The following USP17L1 variants were observed in gnomAD, a reference collection of about 807,000 sequenced individuals.
USP17L1 encodes ubiquitin carboxyl-terminal hydrolase 17-like protein 1.
Under a neutral mutation model 31.4 loss-of-function variants are expected in USP17L1, and 42 were observed. The ratio of observed to expected loss-of-function variants is 1.34; its 90% confidence interval spans 1.05 to 1.73. The LOEUF is 1.73. USP17L1 is among the 40% of genes most tolerant of loss of function. USP17L1 has a pLI of 0.00. For synonymous variants in USP17L1, 230 were observed against 194.4 expected (o/e 1.18, Z -1.52); for missense variants, 576 against 495.8 (o/e 1.16, Z -1.54).
rs1252249435 is a variant in USP17L1 at position 7,333,416 on chromosome 8, G to T, written c.1030G>T (p.Val344Phe). The T allele has an allele frequency of 6.4e-7, 1 of 1,573,742 alleles. No homozygotes were observed. Among genetic ancestry groups the T allele is most frequent in the African/African-American group, 2.0e-5 (1 of 49,172 alleles). ...HYFSYVKAQE[V>F]QWYKMDDAEV... ...CTTCTCCTATGTCAAAGCTCAAGAA[G>T]TCCAGTGGTATAAAATGGATGATGC... Residue 344 changes from valine to phenylalanine, a missense_variant, in exon 1 of 1, where the codon GTC becomes TTC. Physicochemically the swap from Val to Phe is conservative, Grantham distance 50. Coordinates refer to ENST00000529559, the MANE Select transcript of USP17L1 (RefSeq NM_001256873.1).
chr8:7,333,586 C>T lies in USP17L1; in HGVS notation c.1200C>T (p.Asp400=). The change falls in exon 1 of 1, where the codon GAC becomes GAT. Residue 400 remains aspartate (D), a synonymous_variant. Coordinates refer to ENST00000529559, the MANE Select transcript of USP17L1 (RefSeq NM_001256873.1). ...EPRALGAEDT[D]RRAKQGELKR... ...GAGCCCTCGGCGCTGAAGACACAGA[C>T]AGGCGAGCAAAGCAAGGAGAGCTCA... The T allele has an allele frequency of 1.4e-6, 2 of 1,474,374 alleles. No individual in the cohort carries two copies. The highest frequency in any genetic ancestry group is 2.3e-5 in the East Asian group (1 of 43,548). 91.3% of individuals were successfully genotyped at this position (1,474,374 alleles called of 1,614,324 possible).
rs751871903 is a variant in USP17L1, at chr8:7,333,764, C to T, written c.1378C>T (p.Pro460Ser). 9.1e-6 allele frequency: 14 copies of T among 1,537,054 alleles called. No homozygotes were observed. Among genetic ancestry groups the T allele is most frequent in the African/African-American group, 1.9e-5 (1 of 53,332 alleles). The change falls in exon 1 of 1, where the codon CCT (proline) becomes TCT (serine). Residue 460 changes from proline to serine, a missense_variant. Physicochemically the swap from Pro to Ser is moderately conservative, Grantham distance 74 (BLOSUM62 -1). Coordinates refer to ENST00000529559, the MANE Select transcript of USP17L1 (RefSeq NM_001256873.1). ...FNVGKVEGTL[P>S]PNALVIHQSK... ...CGTCGGAAAAGTCGAAGGTACCCTG[C>T]CTCCCAACGCACTTGTGATTCATCA...
At position 7,333,441 on chromosome 8, in the gene USP17L1, C is replaced by T. The variant is rs1804179520; in HGVS notation, c.1055C>T (p.Ala352Val). Residue 352 changes from alanine to valine, a missense_variant, in exon 1 of 1, where the codon GCC (alanine) becomes GTC (valine). Ala to Val is a moderately conservative substitution (Grantham distance 64). Transcript: ENST00000529559. The stretch of plus-strand genomic sequence containing the variant: ...GTCCAGTGGTATAAAATGGATGATG[C>T]CGAGGTCACTGTCTGTAGCATCATT... Reference protein sequence around the residue: ...QEVQWYKMDDAEVTVCSIISV... With the variant: ...QEVQWYKMDDVEVTVCSIISV... The T allele has an allele frequency of 6.4e-7, 1 of 1,569,786 alleles. No homozygotes were observed. Among genetic ancestry groups the T allele is most frequent in the Non-Finnish European group, 8.6e-7 (1 of 1,166,756 alleles).
At position 7,333,548 on chromosome 8, in the gene USP17L1, G is replaced by A. The variant is rs544963184; in HGVS notation, c.1162G>A (p.Gly388Ser). 1.4e-6 allele frequency: 2 copies of A among 1,477,644 alleles called. No homozygotes were observed. The highest frequency in any genetic ancestry group is 2.3e-5 in the South Asian group (2 of 87,526). The allele number at this position is 1,477,644 out of a possible 1,614,324, so 91.5% of individuals were successfully genotyped here. Reference sequence around the variant, plus strand: ...AAGACACAGTGAGAGTGTGTCAAGAGGCAGGGAACCAAGAGCCCTCGGCGC... The same window carrying A: ...AAGACACAGTGAGAGTGTGTCAAGAAGCAGGGAACCAAGAGCCCTCGGCGC... ...WERHSESVSRGREPRALGAED... is the reference protein window; with the variant it reads ...WERHSESVSRSREPRALGAED... The change falls in exon 1 of 1, where the codon GGC becomes AGC. Residue 388 changes from glycine to serine, a missense_variant. Coordinates refer to ENST00000529559, the MANE Select transcript of USP17L1 (RefSeq NM_001256873.1).
At position 7,332,909 on chromosome 8, in the gene USP17L1, G is replaced by A. The variant is rs746427642; in HGVS notation, c.523G>A (p.Ala175Thr). 19 of 1,519,980 alleles carry A rather than the reference G, an allele frequency of 1.3e-5. No individual in the cohort carries two copies. Among genetic ancestry groups the A allele is most frequent in the Non-Finnish European group, 1.4e-5 (16 of 1,137,072 alleles). The allele number at this position is 1,519,980 out of a possible 1,614,324, so 94.2% of individuals were successfully genotyped here. ...LMFTVDAMKK[A>T]CLPGHKQVDH... ...GTTCACTGTGGATGCCATGAAAAAGGCATGCCTTCCCGGCCACAAGCAGGT... is the reference window on the plus strand; with the variant it reads ...GTTCACTGTGGATGCCATGAAAAAGACATGCCTTCCCGGCCACAAGCAGGT... The change falls in exon 1 of 1, where the codon GCA becomes ACA. Residue 175 changes from alanine to threonine, a missense_variant. Coordinates refer to ENST00000529559, the MANE Select transcript of USP17L1 (RefSeq NM_001256873.1).
rs1804181486 is a variant in USP17L1, at chr8:7,333,454, C to T, written c.1068C>T (p.Val356=). 6.4e-7 allele frequency: 1 copy of T among 1,568,760 alleles called. No homozygotes were observed. Residue 356 remains valine, a synonymous_variant, in exon 1 of 1, where the codon GTC becomes GTT. Transcript: ENST00000529559. ...WYKMDDAEVT[V]CSIISVLSQQ... ...AAATGGATGATGCCGAGGTCACTGT[C>T]TGTAGCATCATTTCTGTCCTGAGTC...
Position 7,333,916 on chromosome 8 carries a change from G to A in USP17L1, c.1530G>A (p.Gly510=). 1.9e-6 allele frequency: 3 copies of A among 1,539,778 alleles called. 1 individual carries two copies. Among genetic ancestry groups the A allele is most frequent in the East Asian group, 4.5e-5 (2 of 44,148 alleles). The change falls in exon 1 of 1, where the codon GGG becomes GGA. Residue 510 remains glycine (G), a synonymous_variant. Coordinates refer to ENST00000529559, the MANE Select transcript of USP17L1 (RefSeq NM_001256873.1). ...MNTGTLASLQ[G]RTRRAKGKNK... ...CTGGCACACTCGCTTCTCTGCAAGG[G>A]AGGACCAGGAGAGCCAAAGGGAAGA... is the stretch of plus-strand genomic sequence containing the variant.
In USP17L1 at chr8:7,333,623, C is replaced by T; in HGVS notation, c.1237C>T (p.Pro413Ser). 2.1e-6 allele frequency: 3 copies of T among 1,455,620 alleles called. No homozygotes were observed. Among genetic ancestry groups the T allele is most frequent in the Non-Finnish European group, 2.8e-6 (3 of 1,065,456 alleles). The allele number at this position is 1,455,620 out of a possible 1,614,324, so 90.2% of individuals were successfully genotyped here. ...AKQGELKRDH[P>S]CLQAPELDEH... The stretch of plus-strand genomic sequence containing the variant: ...GCAAGGAGAGCTCAAGAGAGACCAC[C>T]CCTGCCTCCAGGCACCCGAGTTGGA... The change falls in exon 1 of 1, where the codon CCC (proline) becomes TCC (serine). Residue 413 changes from proline to serine, a missense_variant. Physicochemically the swap from Pro to Ser is moderately conservative, Grantham distance 74 (BLOSUM62 -1). Coordinates refer to ENST00000529559, the MANE Select transcript of USP17L1 (RefSeq NM_001256873.1).
Position 7,333,340 on chromosome 8 carries a change from C to A in USP17L1, c.954C>A (p.Val318=). 1.3e-6 allele frequency: 2 copies of A among 1,540,180 alleles called. No homozygotes were observed. The highest frequency in any genetic ancestry group is 1.7e-6 in the Non-Finnish European group (2 of 1,145,520). The part of the protein sequence containing the change: ...SQQNTGPLVY[V]LYAVLVHAGW... ...AGAACACAGGACCTCTTGTCTATGT[C>A]CTCTATGCTGTGCTGGTCCACGCTG... is the stretch of plus-strand genomic sequence containing the variant. Residue 318 remains valine, a synonymous_variant, in exon 1 of 1, where the codon GTC becomes GTA. Coordinates refer to ENST00000529559, the MANE Select transcript of USP17L1 (RefSeq NM_001256873.1).
In USP17L1 at chr8:7,332,573, G is replaced by C. The variant is rs1208010935; in HGVS notation, c.187G>C (p.Ala63Pro). The change falls in exon 1 of 1, where the codon GCT becomes CCT. Residue 63 changes from alanine (A) to proline (P), a missense_variant. Physicochemically the swap from Ala to Pro is conservative, Grantham distance 27 (BLOSUM62 -1). Coordinates refer to ENST00000529559, the MANE Select transcript of USP17L1 (RefSeq NM_001256873.1). ...TTTGGCTCCTGTGGCAAGACAGCTC[G>C]CTCCCAGGGAGAAGCTTCCTCTGAG... ...DDLAPVARQL[A>P]PREKLPLSSR... The C allele has an allele frequency of 8.0e-6, 4 of 498,482 alleles. No individual in the cohort carries two copies. The highest frequency in any genetic ancestry group is 1.3e-5 in the Non-Finnish European group (4 of 299,350). 30.9% of individuals were successfully genotyped at this position (498,482 alleles called of 1,614,324 possible).
At chr8:7,333,520 G>A in the USP17L1 span, 9 of 1,528,440 alleles carry the variant, frequency 5.9e-6, no homozygotes, top group African/African-American at 2.1e-5. Flanking sequence ...AGAGTGAATG[G>A]GAAAGACACA....
rs760773731 is a variant in USP17L1, at chr8:7,333,901, C to T, written c.1515C>T (p.Leu505=). 80 of 1,517,988 alleles carry T rather than the reference C, an allele frequency of 5.3e-5. 8 individuals are homozygous for T. In the East Asian group the frequency reaches 1.4e-3, roughly 27 times the overall value. 94.0% of individuals were successfully genotyped at this position (1,517,988 alleles called of 1,614,324 possible). The change falls in exon 1 of 1, where the codon CTC becomes CTT. Residue 505 remains leucine (L), a synonymous_variant. Transcript: ENST00000529559. ...AGGAGTCCATGAACACTGGCACACTCGCTTCTCTGCAAGGGAGGACCAGGA... is the reference window on the plus strand; with the variant it reads ...AGGAGTCCATGAACACTGGCACACTTGCTTCTCTGCAAGGGAGGACCAGGA... ...TDQESMNTGT[L]ASLQGRTRRA...
chr8:7,333,786 A>C lies in USP17L1; in HGVS notation c.1400A>C (p.His467Pro), dbSNP rs1251240022. 6.1e-6 allele frequency: 9 copies of C among 1,468,030 alleles called. No homozygotes were observed. The highest frequency in any genetic ancestry group is 8.3e-6 in the Non-Finnish European group (9 of 1,078,252). The allele number at this position is 1,468,030 out of a possible 1,614,324, so 90.9% of individuals were successfully genotyped here. ...CTGCCTCCCAACGCACTTGTGATTCATCAATCAAAATACAAGTGTGGGATG... is the reference window on the plus strand; with the variant it reads ...CTGCCTCCCAACGCACTTGTGATTCCTCAATCAAAATACAAGTGTGGGATG... ...GTLPPNALVI[H>P]QSKYKCGMKN... The change falls in exon 1 of 1, where the codon CAT (histidine) becomes CCT (proline). Residue 467 changes from histidine (H) to proline (P), a missense_variant. His to Pro is a moderately conservative substitution (Grantham distance 77). Transcript: ENST00000529559.
At position 7,333,321 on chromosome 8, in the gene USP17L1, C is replaced by G. The variant is rs774861407; in HGVS notation, c.935C>G (p.Thr312Arg). The stretch of plus-strand genomic sequence containing the variant: ...CAGCCATACATGTCTCAGCAGAACA[C>G]AGGACCTCTTGTCTATGTCCTCTAT... Reference protein sequence around the residue: ...DMQPYMSQQNTGPLVYVLYAV... With the variant: ...DMQPYMSQQNRGPLVYVLYAV... Residue 312 changes from threonine (T) to arginine (R), a missense_variant, in exon 1 of 1, where the codon ACA becomes AGA. By Grantham distance (71) the Thr-to-Arg change is moderately conservative. Transcript: ENST00000529559. 7.0e-7 allele frequency: 1 copy of G among 1,423,526 alleles called. No homozygotes were observed. Among genetic ancestry groups the G allele is most frequent in the Admixed American group, 1.7e-5 (1 of 57,974 alleles). The allele number at this position is 1,423,526 out of a possible 1,614,324, so 88.2% of individuals were successfully genotyped here.
In USP17L1 at chr8:7,333,947, C is replaced by T; in HGVS notation, c.1561C>T (p.His521Tyr). The part of the protein sequence containing the change: ...RTRRAKGKNK[H>Y]SKRALLVCQ ...CAGGAGAGCCAAAGGGAAGAACAAA[C>T]ACAGCAAGAGGGCTCTGCTTGTGTG... The change falls in exon 1 of 1, where the codon CAC becomes TAC. Residue 521 changes from histidine (H) to tyrosine (Y), a missense_variant. His to Tyr is a moderately conservative substitution (Grantham distance 83). Transcript: ENST00000529559. 6.3e-7 allele frequency: 1 copy of T among 1,581,668 alleles called. No homozygotes were observed. Among genetic ancestry groups the T allele is most frequent in the Non-Finnish European group, 8.5e-7 (1 of 1,174,426 alleles).
rs1804203948 is a variant in USP17L1, at chr8:7,333,621, A to G, written c.1235A>G (p.His412Arg). ...AAGCAAGGAGAGCTCAAGAGAGACC[A>G]CCCCTGCCTCCAGGCACCCGAGTTG... ...RAKQGELKRD[H>R]PCLQAPELDE... Residue 412 changes from histidine to arginine, a missense_variant, in exon 1 of 1, where the codon CAC (histidine) becomes CGC (arginine). By Grantham distance (29) the His-to-Arg change is conservative. Coordinates refer to ENST00000529559, the MANE Select transcript of USP17L1 (RefSeq NM_001256873.1). The G allele has an allele frequency of 1.4e-6, 2 of 1,457,046 alleles. No homozygotes were observed. Among genetic ancestry groups the G allele is most frequent in the South Asian group, 1.2e-5 (1 of 86,932 alleles). 90.3% of individuals were successfully genotyped at this position (1,457,046 alleles called of 1,614,324 possible).
In USP17L1 at chr8:7,333,753, A is replaced by T. The variant is rs1804230725; in HGVS notation, c.1367A>T (p.Glu456Val). The part of the protein sequence containing the change: ...TKPEFNVGKV[E>V]GTLPPNALVI... ...CCTGAGTTCAACGTCGGAAAAGTCG[A>T]AGGTACCCTGCCTCCCAACGCACTT... The change falls in exon 1 of 1, where the codon GAA becomes GTA. Residue 456 changes from glutamate to valine, a missense_variant. By Grantham distance (121) the Glu-to-Val change is moderately radical (BLOSUM62 -2). Transcript: ENST00000529559. 6.3e-7 allele frequency: 1 copy of T among 1,577,064 alleles called. No individual in the cohort carries two copies. Among genetic ancestry groups the T allele is most frequent in the Admixed American group, 1.7e-5 (1 of 59,086 alleles).
At position 7,332,991 on chromosome 8, in the gene USP17L1, G is replaced by C; in HGVS notation, c.605G>C (p.Arg202Thr). 2.6e-6 allele frequency: 4 copies of C among 1,515,912 alleles called. No individual in the cohort carries two copies. Among genetic ancestry groups the C allele is most frequent in the Non-Finnish European group, 2.6e-6 (3 of 1,136,476 alleles). 93.9% of individuals were successfully genotyped at this position (1,515,912 alleles called of 1,614,324 possible). Residue 202 changes from arginine (R) to threonine (T), a missense_variant, in exon 1 of 1, where the codon AGA becomes ACA. By Grantham distance (71) the Arg-to-Thr change is moderately conservative. Coordinates refer to ENST00000529559, the MANE Select transcript of USP17L1 (RefSeq NM_001256873.1). ...LIHQIFGGCW[R>T]SQIKCLHCHG... is the part of the protein sequence containing the mutation. Reference sequence around the variant, plus strand: ...CACCAAATATTTGGAGGCTGCTGGAGATCTCAAATCAAGTGTCTCCACTGC... The same window carrying C: ...CACCAAATATTTGGAGGCTGCTGGACATCTCAAATCAAGTGTCTCCACTGC...
In USP17L1 at chr8:7,333,147, G is replaced by A; in HGVS notation, c.761G>A (p.Cys254Tyr). The A allele has an allele frequency of 1.3e-6, 1 of 787,306 alleles. No homozygotes were observed. 48.8% of individuals were successfully genotyped at this position (787,306 alleles called of 1,614,324 possible). ...EELNGENAYHCGLCLQRAPAS... is the reference protein window; with the variant it reads ...EELNGENAYHYGLCLQRAPAS... ...CTCAATGGAGAGAATGCCTATCATT[G>A]CGGTCTTTGTCTCCAGAGGGCGCCG... Residue 254 changes from cysteine to tyrosine, a missense_variant, in exon 1 of 1, where the codon TGC (cysteine) becomes TAC (tyrosine). Transcript: ENST00000529559.
Sources: allele counts gnomAD v4.1 joint callset, GRCh38; gene constraint gnomAD v4.1.1; transcripts MANE v1.5; gene names NCBI Gene and HGNC (gene_info 2026-07-23, HGNC 2026-07-21).